Variants in MYO1E observed in about 807,000 individuals in gnomAD.
MYO1E encodes myosin IE, also known as unconventional myosin-Ie.
MYO1E carries 68 observed loss-of-function variants against 151.1 expected under a neutral mutation model. That is an observed-to-expected ratio of 0.45 (90% CI 0.37 to 0.55). MYO1E has a LOEUF of 0.55. MYO1E is among the 20% of genes least tolerant of loss of function. MYO1E has a pLI of 0.00. For synonymous variants in MYO1E, 601 were observed against 501.7 expected (o/e 1.20, Z -2.64); for missense variants, 1,363 against 1,389.3 (o/e 0.98, Z 0.30).
At chr15:59,156,010 C>T (rs773187716) in intron 25 of MYO1E, among the ~76,000 whole-genome samples, 15 of 152,100 alleles carry the variant, frequency 9.9e-5, no homozygotes, top group Non-Finnish European at 2.1e-4. Flanking sequence ...GCTGGAATCA[C>T]TGGTGCATGC....
At chr15:59,298,567 G>A (rs1354474535) in intron 1 of MYO1E, among the ~76,000 whole-genome samples, 7 of 152,238 alleles carry the variant, frequency 4.6e-5, no homozygotes, top group Admixed American at 3.3e-4. Context: ...GGATGTTCAC[G>A]TCTGGTTTCC....
At chr15:59,298,849 C>T (rs571079178) in intron 1 of MYO1E, among the ~76,000 whole-genome samples, 3 of 152,306 alleles carry the variant, frequency 2.0e-5, no homozygotes, top group South Asian at 2.1e-4. Flanking sequence ...CTTTGATTCC[C>T]GCCATTCTTG....
chr15:59,335,500 A>AT (rs1377132222), intron 1 of MYO1E, among the ~76,000 whole-genome samples: 2 of 152,098 alleles, frequency 1.3e-5, no homozygotes, highest in Admixed American at 6.5e-5. Flanking sequence ...CCGAATATGA[A>AT]TAAAAAAAAA....
intron 26 of MYO1E, among the ~76,000 whole-genome samples, chr15:59,147,400 G>T (rs1474030017): frequency 2.0e-5 from 3 of 151,948 alleles, no homozygotes; most frequent in African/African-American, 7.3e-5. Flanking sequence ...AGGAGTTCGA[G>T]ACCAGCCTGG....
At chr15:59,138,151 T>C (rs750044919) in intron 27 of MYO1E, 47 bp downstream of exon 27, 1 of 1,597,490 alleles carries the variant, frequency 6.3e-7, no homozygotes, top group South Asian at 1.1e-5. Flanking sequence ...GCAATGTGAC[T>C]GCATGCTCTT....
intron 9 of MYO1E, among the ~76,000 whole-genome samples, chr15:59,221,808 G>C (rs1312757373): frequency 1.3e-5 from 2 of 152,052 alleles, no homozygotes; most frequent in East Asian, 3.9e-4. Flanking sequence ...TCATGATTTT[G>C]TTTTCAAGCA....
rs1412238239 is a variant in MYO1E, at chr15:59,141,335, C to CA, written c.3081-2969dup. The stretch of plus-strand genomic sequence containing the variant: ...CCTCACAGATACTAAACTCCACAGA[C>CA]ACGTCCCTCATATGAAAGTGTAACA... On this transcript the variant is annotated intron_variant, in intron 26 of 27. Coordinates refer to ENST00000288235, the MANE Select transcript of MYO1E (RefSeq NM_004998.4). 2.0e-5 allele frequency among the ~76,000 whole-genome samples: 3 copies of CA among 152,236 alleles called. No individual in the cohort carries two copies. The South Asian group carries it at 6.2e-4, about 31-fold the overall frequency.
chr15:59,263,586 T>C (rs537920730), intron 2 of MYO1E, among the ~76,000 whole-genome samples: 1 of 152,356 alleles, frequency 6.6e-6, no homozygotes, highest in Admixed American at 6.5e-5. Context: ...TTATTGTGCA[T>C]ATACAAAGGT....
chr15:59,347,497 G>C (rs1193997690), intron 1 of MYO1E, among the ~76,000 whole-genome samples: 1 of 152,074 alleles, frequency 6.6e-6, no homozygotes, highest in Non-Finnish European at 1.5e-5. Context: ...AATTTTATCT[G>C]GAAGAGTAAA....
intron 2 of MYO1E, among the ~76,000 whole-genome samples, chr15:59,266,073 G>A (rs1171038800): frequency 5.9e-5 from 9 of 152,086 alleles, no homozygotes; most frequent in Non-Finnish European, 8.8e-5. Context: ...AGTTATTTCC[G>A]GTGAGAGTTT....
chr15:59,348,516 T>C (rs1399815884), intron 1 of MYO1E: 2 of 152,224 alleles, frequency 1.3e-5, no homozygotes, highest in African/African-American at 4.8e-5. Context: ...TGAATCCTTT[T>C]GGTCTAGGAT....
intron 16 of MYO1E, among the ~76,000 whole-genome samples, chr15:59,200,630 A>G (rs1004299574): frequency 6.6e-6 from 1 of 152,164 alleles, no homozygotes; most frequent in Non-Finnish European, 1.5e-5. Flanking sequence ...ACAAAAAAGA[A>G]AAAAACAACA....
At chr15:59,328,939 G>A (rs1051069683) in intron 1 of MYO1E, among the ~76,000 whole-genome samples, 1 of 152,148 alleles carries the variant, frequency 6.6e-6, no homozygotes, top group Non-Finnish European at 1.5e-5. Flanking sequence ...GAGAGGTTAA[G>A]AAACTTTGCC....
chr15:59,203,138 G>C (rs1464895662), intron 15 of MYO1E, among the ~76,000 whole-genome samples: 3 of 152,212 alleles, frequency 2.0e-5, no homozygotes, highest in Non-Finnish European at 2.9e-5. Flanking sequence ...TTGCTCTAGA[G>C]CAGAGTTTCT....
intron 22 of MYO1E, among the ~76,000 whole-genome samples, chr15:59,167,321 TCAGC>T (rs1420242936): frequency 6.6e-6 from 1 of 152,148 alleles, no homozygotes; most frequent in Non-Finnish European, 1.5e-5. Context: ...CTTCTGGTGA[TCAGC>T]CACCAGAATG....
intron 1 of MYO1E, among the ~76,000 whole-genome samples, chr15:59,301,690 G>GA (rs2080483368): frequency 6.6e-6 from 1 of 152,230 alleles, no homozygotes; most frequent in Non-Finnish European, 1.5e-5. Flanking sequence ...CTGGCAGAGA[G>GA]AAGAGGCTTA....
chr15:59,193,712 G>A (rs530136590), intron 17 of MYO1E, among the ~76,000 whole-genome samples: 21 of 152,294 alleles, frequency 1.4e-4, no homozygotes, highest in African/African-American at 4.8e-4. Flanking sequence ...TAGGATAAAA[G>A]TGACCTAGAG....
chr15:59,304,723 C>T lies in MYO1E; in HGVS notation c.4-32274G>A, dbSNP rs77399151. ...GGAATCAGGCTCTTGGTTCAAATTA[C>T]CCTCCCTAGTACAGATCAAGCGGGA... On this transcript the variant is annotated intron_variant, in intron 1 of 27. Transcript: ENST00000288235. Among the ~76,000 whole-genome samples, 340 of 152,250 alleles carry T rather than the reference C, an allele frequency of 2.2e-3. 1 individual carries two copies. The highest frequency in any genetic ancestry group is 7.5e-3 in the African/African-American group (310 of 41,562).
intron 1 of MYO1E, among the ~76,000 whole-genome samples, chr15:59,296,602 T>C (rs1337407263): frequency 6.6e-6 from 1 of 152,134 alleles, no homozygotes; most frequent in Non-Finnish European, 1.5e-5. Flanking sequence ...CTGCAGGCAC[T>C]GTCCACATCA....
Sources: gnomAD v4.1 joint callset for allele counts (sites outside exome capture counted in the v4.1 genomes callset) on GRCh38, gnomAD v4.1.1 for gene constraint, MANE v1.5 for transcripts, NCBI Gene and HGNC (gene_info 2026-07-23, HGNC 2026-07-21) for gene names.